Variants in CAMTA1 observed in about 807,000 individuals in gnomAD.
The protein encoded by CAMTA1 is calmodulin binding transcription activator 1.
In CAMTA1, 27 loss-of-function variants were observed where a neutral mutation model predicts 170.9. That is an observed-to-expected ratio of 0.16 (90% confidence interval 0.12 to 0.22). CAMTA1 has a LOEUF of 0.22. Ranked by LOEUF, CAMTA1 falls within the 10% of genes least tolerant of loss-of-function variation. CAMTA1 has a pLI of 1.00. For synonymous variants in CAMTA1, 833 were observed against 891.5 expected (o/e 0.93, Z 1.17); for missense variants, 1,619 against 2,217.2 (o/e 0.73, Z 5.42).
At chr1:7,186,100 A>C (rs1486483343) in intron 4 of CAMTA1, among the ~76,000 whole-genome samples, 4 of 152,208 alleles carry the variant, frequency 2.6e-5, no homozygotes, top group Non-Finnish European at 5.9e-5. Flanking sequence ...ACTCTAAAAC[A>C]GTTCAGAAAA....
intron 5 of CAMTA1, among the ~76,000 whole-genome samples, chr1:7,326,742 A>G (rs1436273457): frequency 6.6e-6 from 1 of 152,194 alleles, no homozygotes; most frequent in African/African-American, 2.4e-5. Context: ...GACTTCCAGA[A>G]CTGTGAGAGA....
At chr1:6,860,251 A>G (rs558224203) in intron 3 of CAMTA1, among the ~76,000 whole-genome samples, 25 of 152,260 alleles carry the variant, frequency 1.6e-4, no homozygotes, top group East Asian at 1.4e-3. Context: ...TCTTTCCCAC[A>G]CCAGTAATTA....
intron 3 of CAMTA1, among the ~76,000 whole-genome samples, chr1:7,024,210 T>C (rs1467087158): frequency 6.6e-6 from 1 of 152,050 alleles, no homozygotes. Flanking sequence ...GAGGGAGGCA[T>C]GCTTGAAAGC....
intron 3 of CAMTA1, among the ~76,000 whole-genome samples, chr1:6,910,428 C>A (rs1052602845): frequency 2.0e-5 from 3 of 152,236 alleles, no homozygotes; most frequent in Non-Finnish European, 4.4e-5. Flanking sequence ...TTTAGCCAGG[C>A]TGGAACGTAA....
At chr1:6,921,282 T>G (rs1372321329) in intron 3 of CAMTA1, among the ~76,000 whole-genome samples, 1 of 150,656 alleles carries the variant, frequency 6.6e-6, no homozygotes, top group South Asian at 2.1e-4. Context: ...TGCCACTCTT[T>G]GCTAAAACTT....
intron 3 of CAMTA1, among the ~76,000 whole-genome samples, chr1:6,963,308 C>G (rs1176884439): frequency 1.1e-5 from 1 of 93,510 alleles, no homozygotes; most frequent in East Asian, 3.6e-4. Context: ...CCGGCCTTGC[C>G]CTGTGACTGG....
chr1:7,427,396 A>G (rs1407555067), intron 5 of CAMTA1, among the ~76,000 whole-genome samples: 3 of 152,172 alleles, frequency 2.0e-5, no homozygotes, highest in Admixed American at 2.0e-4. Context: ...TTCTACGGCA[A>G]TGGGTTCAAA....
chr1:6,798,749 A>C (rs1267204572), intron 1 of CAMTA1, among the ~76,000 whole-genome samples: 1 of 140,374 alleles, frequency 7.1e-6, no homozygotes, highest in Non-Finnish European at 1.6e-5. Flanking sequence ...GGCGCCCGCC[A>C]CCGCGCCCGG....
At chr1:7,623,323 T>G (rs963921951) in intron 6 of CAMTA1, among the ~76,000 whole-genome samples, 1 of 152,152 alleles carries the variant, frequency 6.6e-6, no homozygotes, top group Non-Finnish European at 1.5e-5. Context: ...GCAAAGCAAG[T>G]GCCACAGTTA....
intron 3 of CAMTA1, among the ~76,000 whole-genome samples, chr1:7,006,021 G>A (rs1281455315): frequency 6.6e-6 from 1 of 152,190 alleles, no homozygotes; most frequent in African/African-American, 2.4e-5. Flanking sequence ...GGACAGGGAA[G>A]GTAGCATTGG....
At chr1:7,150,613 T>G (rs1472455510) in intron 4 of CAMTA1, among the ~76,000 whole-genome samples, 2 of 151,916 alleles carry the variant, frequency 1.3e-5, no homozygotes, top group Non-Finnish European at 2.9e-5. Flanking sequence ...TCTCCAGGCT[T>G]TGCCCAGTTC....
intron 6 of CAMTA1, among the ~76,000 whole-genome samples, chr1:7,494,678 C>G (rs1020683237): frequency 6.6e-6 from 1 of 152,116 alleles, no homozygotes; most frequent in Non-Finnish European, 1.5e-5. Context: ...GTGGCGCACA[C>G]CTGTAATCCC....
At chr1:7,214,490 C>G (rs1364167722) in intron 4 of CAMTA1, among the ~76,000 whole-genome samples, 1 of 152,136 alleles carries the variant, frequency 6.6e-6, no homozygotes, top group African/African-American at 2.4e-5. Context: ...CCTCAGCCTC[C>G]CAAGTAGTGG....
intron 4 of CAMTA1, among the ~76,000 whole-genome samples, chr1:7,097,835 CA>C (rs1642256146): frequency 6.6e-6 from 1 of 151,990 alleles, no homozygotes; most frequent in South Asian, 2.1e-4. Flanking sequence ...TGGTGGTTTC[CA>C]AGGGCTGGGG....
At chr1:7,259,500 C>G (rs1183004769) in intron 5 of CAMTA1, among the ~76,000 whole-genome samples, 1 of 152,190 alleles carries the variant, frequency 6.6e-6, no homozygotes, top group African/African-American at 2.4e-5. Flanking sequence ...CCAGGTGGTT[C>G]ACACACACTT....
At chr1:7,433,829 C>G (rs992618309) in intron 5 of CAMTA1, among the ~76,000 whole-genome samples, 1 of 152,114 alleles carries the variant, frequency 6.6e-6, no homozygotes, top group African/African-American at 2.4e-5. Flanking sequence ...TCCTGACTGT[C>G]CTGGTATCAA....
intron 11 of CAMTA1, among the ~76,000 whole-genome samples, chr1:7,724,335 A>C (rs12741294): frequency 0.12 from 18,857 of 152,260 alleles, 1,277 homozygotes; most frequent in Middle Eastern, 0.26. Flanking sequence ...AGTTTTGACA[A>C]ATGTGCCATG....
Position 7,426,937 on chromosome 1 carries a change from G to A in CAMTA1, c.439-40893G>A, listed in dbSNP as rs1003329054. Among the ~76,000 whole-genome samples, 1 of 152,148 alleles carries A rather than the reference G, an allele frequency of 6.6e-6. No homozygotes were observed. Among genetic ancestry groups the A allele is most frequent in the African/African-American group, 2.4e-5 (1 of 41,422 alleles). ...TAGTAATTTATCAGGCCACCAGCAA[G>A]GCCTTTTTGCTCAGCGGTGGCGTTC... is the stretch of plus-strand genomic sequence containing the variant. On this transcript the variant is annotated intron_variant, in intron 5 of 22. Coordinates refer to ENST00000303635, the MANE Select transcript of CAMTA1 (RefSeq NM_015215.4). The surrounding 1 kb of genome is among the most constrained non-coding windows in gnomAD (Gnocchi z 4.8).
chr1:7,618,574 G>A (rs758456922), intron 6 of CAMTA1, among the ~76,000 whole-genome samples: 2 of 152,318 alleles, frequency 1.3e-5, no homozygotes, highest in African/African-American at 4.8e-5. Context: ...GGCCGGTTCC[G>A]ATGATATTTT....
Sources: gnomAD v4.1 joint callset for allele counts (sites outside exome capture counted in the v4.1 genomes callset) on GRCh38, gnomAD v4.1.1 for gene constraint, Gnocchi (gnomAD v3.1) non-coding constraint, MANE v1.5 for transcripts, NCBI Gene and HGNC (gene_info 2026-07-23, HGNC 2026-07-21) for gene names.